Variants in UBA1 observed in about 807,000 individuals in gnomAD.
UBA1 encodes ubiquitin like modifier activating enzyme 1.
In UBA1, 4 loss-of-function variants were observed where a neutral mutation model predicts 84.7. The observed-to-expected ratio is 0.05, with a 90% confidence interval of 0.02 to 0.11. UBA1 has a LOEUF of 0.11. Ranked by LOEUF, UBA1 falls within the 10% of genes least tolerant of loss-of-function variation. The pLI is 1.00. For missense variants in UBA1, 513 were observed against 902.8 expected (o/e 0.57, Z 5.53); for synonymous variants, 364 against 362.6 (o/e 1.00, Z -0.04).
chrX:47,206,617 C>A, intron 16 of UBA1, 173 bp downstream of exon 16: 1 of 476,269 alleles, frequency 2.1e-6, no homozygotes, highest in Non-Finnish European at 3.6e-6. Flanking sequence ...TCTAGAATGA[C>A]TCATTCTTTT....
intron 1 of UBA1, among the ~76,000 whole-genome samples, chrX:47,194,247 C>T (rs782145052): frequency 5.3e-4 from 59 of 111,917 alleles, no homozygotes; most frequent in African/African-American, 1.7e-3. Flanking sequence ...AGTCGGACCC[C>T]CAGGATGTGC....
chrX:47,193,268 T>C (rs1936093829), upstream of UBA1, among the ~76,000 whole-genome samples: 3 of 111,652 alleles, frequency 2.7e-5, no homozygotes, highest in Non-Finnish European at 5.6e-5. Flanking sequence ...AATTCATTAT[T>C]CAGGACCTGG....
chrX:47,209,421 T>A, intron 16 of UBA1: 2 of 522,401 alleles, frequency 3.8e-6, no homozygotes, highest in Non-Finnish European at 7.0e-6. Context: ...CCCAAAGTGC[T>A]GGGATTACAG....
At chrX:47,203,906 G>A (rs1360427231) in intron 14 of UBA1, among the ~76,000 whole-genome samples, 2 of 108,593 alleles carry the variant, frequency 1.8e-5, no homozygotes, top group African/African-American at 3.4e-5. Context: ...GCGCCACCAC[G>A]CCCGGCTGAT....
At chrX:47,201,654 T>C (rs782080212) in intron 8 of UBA1, 44 bp downstream of exon 8, 13 of 1,196,566 alleles carry the variant, frequency 1.1e-5, no homozygotes, top group South Asian at 5.4e-5. Flanking sequence ...CTAGAAGATA[T>C]GTTCCTGGGT....
Position 47,213,070 on chromosome X carries a change from G to A in UBA1, c.2727G>A (p.Leu909=). Residue 909 remains leucine (L), a synonymous_variant, in exon 23 of 26, where the codon CTG becomes CTA. Transcript: ENST00000335972. The stretch of plus-strand genomic sequence containing the variant: ...TGGTTGGCCTTGTGTGTCTGGAGCT[G>A]TACAAGGTTGTGCAGGGGCACCGAC... ...AAVVGLVCLE[L]YKVVQGHRQL... is the part of the protein sequence containing the mutation. The A allele has an allele frequency of 8.3e-7, 1 of 1,212,087 alleles. No individual in the cohort carries two copies. The highest frequency in any genetic ancestry group is 1.1e-6 in the Non-Finnish European group (1 of 895,587).
upstream of UBA1, among the ~76,000 whole-genome samples, chrX:47,192,306 C>T (rs141420041): frequency 0.012 from 1,365 of 110,969 alleles, 16 homozygotes; most frequent in African/African-American, 0.042. Flanking sequence ...ACTAATATAA[C>T]ACTTAGCATG....
At chrX:47,202,063 AG>A in intron 8 of UBA1, 92 bp from the exon 9 acceptor site, 2 of 720,247 alleles carry the variant, frequency 2.8e-6, no homozygotes, top group Non-Finnish European at 4.3e-6. Flanking sequence ...CTGATGTCTG[AG>A]CTGAGTCGGG....
chrX:47,202,346 C>A lies in UBA1; in HGVS notation c.910-12C>A. The A allele has an allele frequency of 8.3e-7, 1 of 1,209,956 alleles. No homozygotes were observed. ...TCTCTTCTGGTTCTGATGACCTCTC[C>A]CCCCGCCACAGAAATCCTTGGTGGC... On this transcript the variant is annotated splice_polypyrimidine_tract_variant and intron_variant, in intron 9 of 25. Coordinates refer to ENST00000335972, the MANE Select transcript of UBA1 (RefSeq NM_003334.4).
chrX:47,199,145 GGAC>G, intron 3 of UBA1, 39 bp downstream of exon 3: 1 of 1,212,286 alleles, frequency 8.2e-7, no homozygotes, highest in Non-Finnish European at 1.1e-6. Context: ...GTGTGGAATG[GGAC>G]ATTGAGAGGA....
chrX:47,204,968 C>G (rs782266401), intron 14 of UBA1: 33 of 113,663 alleles, frequency 2.9e-4, no homozygotes, highest in Middle Eastern at 4.5e-3. Flanking sequence ...AGACACAATA[C>G]GATCGTGAGG....
chrX:47,208,011 G>T (rs781905282), intron 16 of UBA1, among the ~76,000 whole-genome samples: 78 of 112,488 alleles, frequency 6.9e-4, no homozygotes, highest in African/African-American at 2.4e-3. Flanking sequence ...CAGAGGTAAA[G>T]ATGTTATCCT....
At chrX:47,197,331 A>T in intron 1 of UBA1, 2 of 754,515 alleles carry the variant, frequency 2.7e-6, no homozygotes, top group Non-Finnish European at 3.1e-6. Context: ...GGTCATGGGG[A>T]TTGTTAAGAT....
intron 14 of UBA1, 51 bp downstream of exon 14, chrX:47,203,747 CTT>C (rs781978873): frequency 2.9e-3 from 2,413 of 823,180 alleles, no homozygotes; most frequent in Non-Finnish European, 3.1e-3. Flanking sequence ...CCTCCTTTTT[CTT>C]TTTTTTTTTT....
rs1556790852 is a variant in UBA1 at position 47,206,102 on chromosome X, A to G, written c.1730A>G (p.Asn577Ser). The G allele has an allele frequency of 6.6e-6, 8 of 1,203,440 alleles. No individual in the cohort carries two copies. The highest frequency in any genetic ancestry group is 9.0e-6 in the Non-Finnish European group (8 of 891,117). Residue 577 changes from asparagine (N) to serine (S), a missense_variant, in exon 15 of 26, where the codon AAC (asparagine) becomes AGC (serine). Transcript: ENST00000335972. ...NLDGVANALD[N>S]VDARMYMDRR... The stretch of plus-strand genomic sequence containing the variant: ...GATGGCGTGGCCAATGCCCTGGACA[A>G]CGTGGATGCCCGTGAGTTTGGAGGC...
chrX:47,201,413 T>A (rs944116685), intron 7 of UBA1, 47 bp downstream of exon 7: 1 of 1,208,890 alleles, frequency 8.3e-7, no homozygotes, highest in Admixed American at 2.2e-5. Context: ...TGGGCTGCAG[T>A]AGTCCTTCCT....
At chrX:47,203,804 G>A in intron 14 of UBA1, 108 bp downstream of exon 14, 1 of 864,239 alleles carries the variant, frequency 1.2e-6, no homozygotes, top group Non-Finnish European at 1.6e-6. Flanking sequence ...CTGTAGTGCA[G>A]TGGCGTGATC....
intron 20 of UBA1, among the ~76,000 whole-genome samples, chrX:47,211,938 G>C (rs1185356529): frequency 9.3e-6 from 1 of 107,188 alleles, no homozygotes; most frequent in East Asian, 3.0e-4. Context: ...CCTCCCACCT[G>C]CCTCGCCCTC....
At position 47,212,803 on chromosome X, in the gene UBA1, C is replaced by T. The variant is rs150512668; in HGVS notation, c.2586C>T (p.Ile862=). 1.2e-5 allele frequency: 14 copies of T among 1,209,688 alleles called. No homozygotes were observed. Among genetic ancestry groups the T allele is most frequent in the Admixed American group, 2.2e-5 (1 of 45,738 alleles). ...DDDSNFHMDF[I]VAASNLRAEN... ...ACAGCAACTTTCATATGGATTTCAT[C>T]GTGGCTGCATCCAACCTCCGGGCAG... Residue 862 remains isoleucine, a synonymous_variant, in exon 22 of 26, where the codon ATC becomes ATT. Transcript: ENST00000335972.
Sources: allele counts gnomAD v4.1 joint callset (sites outside exome capture counted in the v4.1 genomes callset), GRCh38; gene constraint gnomAD v4.1.1; transcripts MANE v1.5; gene names NCBI Gene and HGNC (gene_info 2026-07-23, HGNC 2026-07-21).